TENM2: variants seen among roughly 807,000 people sequenced by gnomAD.
The protein encoded by TENM2 is teneurin-2.
Under a neutral mutation model 245.2 loss-of-function variants are expected in TENM2, and 52 were observed. That is an observed-to-expected ratio of 0.21 (90% confidence interval 0.17 to 0.27). TENM2 has a LOEUF of 0.27. Among genes scored for constraint, TENM2 ranks in the 10% least tolerant of loss-of-function variants. TENM2 has a pLI of 1.00. For missense variants in TENM2, 3,046 were observed against 3,666.8 expected (o/e 0.83, Z 4.37); for synonymous variants, 1,363 against 1,438.9 (o/e 0.95, Z 1.19).
upstream of TENM2, among the ~76,000 whole-genome samples, chr5:167,283,809 A>G (rs1415740649): frequency 2.0e-5 from 3 of 152,194 alleles, no homozygotes; most frequent in Non-Finnish European, 4.4e-5. Flanking sequence ...GGAGGCGCCT[A>G]AGCATTTTGG....
At chr5:167,331,529 A>G (rs2127791505) in intron 1 of TENM2, among the ~76,000 whole-genome samples, 1 of 152,340 alleles carries the variant, frequency 6.6e-6, no homozygotes, top group Non-Finnish European at 1.5e-5. Context: ...CTTGAGAAAG[A>G]TGAATTTACA....
chr5:167,324,157 A>G (rs1307127150), intron 1 of TENM2, among the ~76,000 whole-genome samples: 1 of 152,218 alleles, frequency 6.6e-6, no homozygotes, highest in Non-Finnish European at 1.5e-5. Flanking sequence ...GAAGCATTAA[A>G]TCCAGAGACT....
At chr5:168,003,881 A>G (rs3909403) in intron 5 of TENM2, among the ~76,000 whole-genome samples, 8,042 of 152,294 alleles carry the variant, frequency 0.053, 358 homozygotes, top group African/African-American at 0.11. Flanking sequence ...TTTCAAGTAT[A>G]GTATGAAGGA....
intron 2 of TENM2, among the ~76,000 whole-genome samples, chr5:167,431,970 T>TATATATACAC (rs1554150947): frequency 2.2e-5 from 3 of 135,524 alleles, no homozygotes; most frequent in South Asian, 2.2e-4. Flanking sequence ...TGTATATATA[T>TATATATACAC]ATATATATGG....
intron 2 of TENM2, among the ~76,000 whole-genome samples, chr5:167,529,556 C>T (rs912245749): frequency 2.0e-5 from 3 of 152,106 alleles, no homozygotes; most frequent in Non-Finnish European, 2.9e-5. Context: ...ATCTTAAGCC[C>T]AGAATGTCTG....
At chr5:167,976,790 T>A (rs1379830039) in intron 4 of TENM2, among the ~76,000 whole-genome samples, 1 of 152,202 alleles carries the variant, frequency 6.6e-6, no homozygotes, top group Non-Finnish European at 1.5e-5. Flanking sequence ...ATAAAAACTT[T>A]TGTTTAAAAA....
intron 2 of TENM2, among the ~76,000 whole-genome samples, chr5:167,853,406 C>T (rs113008182): frequency 0.033 from 5,033 of 151,258 alleles, 133 homozygotes; most frequent in Non-Finnish European, 0.048. Flanking sequence ...GTAGAACTCT[C>T]GTGAGACAAC....
At chr5:167,470,454 C>CTTTTTTTCTTTTTTTT (rs1766941747) in intron 2 of TENM2, among the ~76,000 whole-genome samples, 1 of 47,394 alleles carries the variant, frequency 2.1e-5, no homozygotes, top group African/African-American at 8.4e-5. Context: ...GCAATGCTTG[C>CTTTTTTTCTTTTTTTT]TTTTTTTTTT....
the TENM2 span, among the ~76,000 whole-genome samples, chr5:167,167,339 A>T: frequency 6.6e-6 from 1 of 152,314 alleles, no homozygotes; most frequent in East Asian, 1.9e-4. Context: ...TTCACGCCCC[A>T]GGCCATGCTC....
At chr5:167,376,357 C>T (rs542650258) in intron 2 of TENM2, among the ~76,000 whole-genome samples, 1 of 151,988 alleles carries the variant, frequency 6.6e-6, no homozygotes, top group African/African-American at 2.4e-5. Context: ...AAAGAATTAC[C>T]ATTACCATTA....
intron 23 of TENM2, 79 bp from the exon 26 acceptor site, chr5:168,226,009 C>A: frequency 7.3e-7 from 1 of 1,362,300 alleles, no homozygotes; most frequent in Non-Finnish European, 1.0e-6. Context: ...CTTTCTCTGG[C>A]CCTGTGAGTC....
chr5:167,452,741 T>G (rs1377459730), intron 2 of TENM2, among the ~76,000 whole-genome samples: 1 of 150,808 alleles, frequency 6.6e-6, no homozygotes, highest in African/African-American at 2.4e-5. Context: ...TGAGACCACT[T>G]GGACACAGGA....
the TENM2 span, among the ~76,000 whole-genome samples, chr5:167,112,223 A>G: frequency 6.6e-6 from 1 of 152,210 alleles, no homozygotes; most frequent in Non-Finnish European, 1.5e-5. Context: ...AACAGCAAAG[A>G]ATTTTGTTTG....
At chr5:167,575,444 T>G (rs1183848167) in intron 2 of TENM2, among the ~76,000 whole-genome samples, 3 of 152,082 alleles carry the variant, frequency 2.0e-5, no homozygotes, top group Admixed American at 6.6e-5. Flanking sequence ...AGATAAGATT[T>G]TTTTCTTCCC....
intron 2 of TENM2, among the ~76,000 whole-genome samples, chr5:167,646,223 A>ATATATC (rs1240186375): frequency 6.5e-5 from 9 of 139,308 alleles, no homozygotes; most frequent in Non-Finnish European, 1.1e-4. Context: ...ATATATATAT[A>ATATATC]TATATATGTT....
intron 12 of TENM2, among the ~76,000 whole-genome samples, chr5:168,142,830 A>G (rs1023905890): frequency 4.6e-5 from 7 of 152,170 alleles, no homozygotes; most frequent in African/African-American, 1.7e-4. Context: ...AAAGTCCTAA[A>G]TGATCCCCTG....
chr5:167,395,457 T>A (rs1762000151), intron 2 of TENM2, among the ~76,000 whole-genome samples: 2 of 152,168 alleles, frequency 1.3e-5, no homozygotes, highest in African/African-American at 4.8e-5. Context: ...GGCGATAGCA[T>A]TACTTCTTCC....
intron 7 of TENM2, among the ~76,000 whole-genome samples, chr5:168,072,418 G>A (rs1043743611): frequency 6.6e-6 from 1 of 152,160 alleles, no homozygotes; most frequent in African/African-American, 2.4e-5. Context: ...ATGAGGGCAT[G>A]ACCTCGTGAG....
chr5:167,919,010 C>T (rs768333467), intron 3 of TENM2, among the ~76,000 whole-genome samples: 6 of 152,110 alleles, frequency 3.9e-5, no homozygotes, highest in Non-Finnish European at 7.3e-5. Context: ...TCCGTGTGTG[C>T]ACTGTGTGTG....
Sources: allele counts gnomAD v4.1 joint callset (sites outside exome capture counted in the v4.1 genomes callset), GRCh38; gene constraint gnomAD v4.1.1; transcripts MANE v1.5; gene names NCBI Gene and HGNC (gene_info 2026-07-23, HGNC 2026-07-21).